SERINC5: variants seen among roughly 807,000 people sequenced by gnomAD.
SERINC5 encodes the protein chromosome 5 open reading frame 12.
Under a neutral mutation model 63.1 loss-of-function variants are expected in SERINC5, and 41 were observed. The ratio of observed to expected loss-of-function variants is 0.65; its 90% CI spans 0.51 to 0.84. The LOEUF is 0.84. Among genes scored for constraint, SERINC5 ranks in the 40% least tolerant of loss-of-function variants. The pLI, the probability that SERINC5 is intolerant of heterozygous loss-of-function variation, is 0.00. For synonymous variants in SERINC5, 222 were observed against 215.2 expected, an observed-to-expected ratio of 1.03 and a Z score of -0.28; for missense variants, 523 against 573.0, an observed-to-expected ratio of 0.91 and a Z score of 0.89.
chr5:80,166,364 C>CACT lies in SERINC5; in HGVS notation c.859+16_859+18dup. On this transcript the variant is annotated intron_variant, in intron 7 of 11. Transcript: ENST00000507668. ...AATATTCACACCGCAAACACAAGCC[C>CACT]ACTAACAGGCTGGCTTACCTACTTC... The CACT allele has an allele frequency of 6.6e-7, 1 of 1,505,660 alleles. No homozygotes were observed. The highest frequency in any genetic ancestry group is 9.1e-7 in the Non-Finnish European group (1 of 1,101,236). The allele number at this position is 1,505,660 out of a possible 1,614,324, so 93.3% of individuals were successfully genotyped here. A position where few individuals can be genotyped will look rare whatever the true frequency, so the allele number is the denominator to read the frequency against.
At position 80,139,536 on chromosome 5, in the gene SERINC5, C is replaced by G; in HGVS notation, c.*4127G>C. Reference sequence around the variant, plus strand: ...GAAAAAAAAAGCTCTTTGGTAAAGGCCAAATATTTCAACCTTTCAAAATGA... The same window carrying G: ...GAAAAAAAAAGCTCTTTGGTAAAGGGCAAATATTTCAACCTTTCAAAATGA... On this transcript the variant is annotated 3_prime_UTR_variant, in exon 12 of 12. Coordinates refer to ENST00000507668, the MANE Select transcript of SERINC5 (RefSeq NM_001174072.3). The G allele has an allele frequency of 2.0e-6, 2 of 984,428 alleles. No individual in the cohort carries two copies. Among genetic ancestry groups the G allele is most frequent in the East Asian group, 2.3e-4 (2 of 8,808 alleles). 61.0% of individuals were successfully genotyped at this position (984,428 alleles called of 1,614,324 possible). A position where few individuals can be genotyped will look rare whatever the true frequency, so the allele number is the denominator to read the frequency against.
At chr5:80,224,140 A>AG (rs897529481) in intron 1 of SERINC5, among the ~76,000 whole-genome samples, 1 of 150,442 alleles carries the variant, frequency 6.6e-6, no homozygotes, top group African/African-American at 2.5e-5. Context: ...TCTCAAAAAA[A>AG]AAAAAAAAAG....
At chr5:80,137,946 G>A (rs1369696830), downstream of SERINC5, among the ~76,000 whole-genome samples, 1 of 151,726 alleles carries the variant, frequency 6.6e-6, no homozygotes, top group Non-Finnish European at 1.5e-5. Context: ...TCAAAAAAAG[G>A]AAAAGTGGTA....
At chr5:80,119,969 T>A (rs534915107) in intron 11 of SERINC5, among the ~76,000 whole-genome samples, 21 of 152,312 alleles carry the variant, frequency 1.4e-4, no homozygotes, top group African/African-American at 5.1e-4. Context: ...GTTTGGAAAC[T>A]AAACAGAAAT....
chr5:80,157,796 T>C (rs765342316), intron 8 of SERINC5: 3 of 152,224 alleles, frequency 2.0e-5, no homozygotes, highest in Non-Finnish European at 2.9e-5. Flanking sequence ...AATGAATGTA[T>C]GTCACCATCA....
chr5:80,203,820 G>A (rs193293158), intron 1 of SERINC5, among the ~76,000 whole-genome samples: 15 of 152,134 alleles, frequency 9.9e-5, no homozygotes, highest in African/African-American at 3.4e-4. Context: ...TGGGTCCCTA[G>A]ATAGCTTCAG....
At chr5:80,144,852 A>G (rs1418793711) in intron 11 of SERINC5, among the ~76,000 whole-genome samples, 2 of 152,226 alleles carry the variant, frequency 1.3e-5, no homozygotes, top group East Asian at 3.8e-4. Flanking sequence ...AATGAATGAT[A>G]AAAGGAAGCA....
At chr5:80,238,447 C>T (rs995203882) in intron 1 of SERINC5, among the ~76,000 whole-genome samples, 3 of 152,022 alleles carry the variant, frequency 2.0e-5, no homozygotes, top group African/African-American at 7.3e-5. Context: ...AGGAAGGGAA[C>T]AAAAAGTTTA....
In SERINC5 at chr5:80,142,545, T is replaced by C; in HGVS notation, c.*1118A>G. 1 of 985,478 alleles carries C rather than the reference T, an allele frequency of 1.0e-6. No homozygotes were observed. The allele number at this position is 985,478 out of a possible 1,614,324, so 61.0% of individuals were successfully genotyped here. On this transcript the variant is annotated 3_prime_UTR_variant, in exon 12 of 12. Coordinates refer to ENST00000507668, the MANE Select transcript of SERINC5 (RefSeq NM_001174072.3). ...CACACATTGCCTAACAAGCTTCTTC[T>C]GGTCAGTGTGTCTGAGATCCTCACC...
chr5:80,147,236 T>C lies in SERINC5; in HGVS notation c.1093+9A>G. 1 of 1,597,406 alleles carries C rather than the reference T, an allele frequency of 6.3e-7. No individual in the cohort carries two copies. Among genetic ancestry groups the C allele is most frequent in the South Asian group, 1.1e-5 (1 of 87,402 alleles). The stretch of plus-strand genomic sequence containing the variant: ...ACACAGGTGCAAAGAATAAAAGCGC[T>C]CTGCTTACCCTCTCCACCAGGACTG... On this transcript the variant is annotated intron_variant, in intron 10 of 11. Coordinates refer to ENST00000507668, the MANE Select transcript of SERINC5 (RefSeq NM_001174072.3).
At chr5:80,187,823 G>C (rs1010081061) in intron 2 of SERINC5, among the ~76,000 whole-genome samples, 13 of 152,178 alleles carry the variant, frequency 8.5e-5, no homozygotes, top group African/African-American at 2.7e-4. Flanking sequence ...GTCACAGATA[G>C]GATTAAGCAG....
At chr5:80,188,013 G>A (rs371376195) in intron 2 of SERINC5, among the ~76,000 whole-genome samples, 67 of 152,106 alleles carry the variant, frequency 4.4e-4, no homozygotes, top group African/African-American at 1.5e-3. Flanking sequence ...GGCTGGGTGC[G>A]GTGGCTCACG....
intron 4 of SERINC5, among the ~76,000 whole-genome samples, 169 bp from the exon 5 acceptor site, chr5:80,175,216 G>A (rs1423709624): frequency 2.6e-5 from 4 of 152,170 alleles, no homozygotes; most frequent in Non-Finnish European, 5.9e-5. Context: ...TTACAGAAGA[G>A]AAAAATTGAG....
intron 1 of SERINC5, among the ~76,000 whole-genome samples, chr5:80,203,683 T>C (rs570296770): frequency 6.6e-6 from 1 of 152,074 alleles, no homozygotes; most frequent in Admixed American, 6.6e-5. Context: ...ATACAAAAAT[T>C]TGGTCTGGTG....
downstream of SERINC5, among the ~76,000 whole-genome samples, chr5:80,136,171 C>T (rs1269216115): frequency 6.6e-6 from 1 of 151,998 alleles, no homozygotes; most frequent in Non-Finnish European, 1.5e-5. Context: ...TAGGCCCAAG[C>T]CCTCGGGAGG....
intron 11 of SERINC5, 45 bp downstream of exon 11, chr5:80,146,039 CTTAACT>C: frequency 1.2e-6 from 2 of 1,600,938 alleles, no homozygotes; most frequent in South Asian, 1.1e-5. Flanking sequence ...GTACTTAACT[CTTAACT>C]TTAAGGCTTT....
chr5:80,173,225 AGAAGGAAG>A (rs58622143), intron 5 of SERINC5, among the ~76,000 whole-genome samples: 24,198 of 137,542 alleles, frequency 0.18, 2,187 homozygotes, highest in Non-Finnish European at 0.2. Context: ...CAGGAAGGAA[AGAAGGAAG>A]GAAGGAAGGA....
At chr5:80,233,805 C>CCTTTTTTTT (rs1554071351) in intron 1 of SERINC5, among the ~76,000 whole-genome samples, 3 of 69,950 alleles carry the variant, frequency 4.3e-5, no homozygotes, top group Admixed American at 1.9e-4. Context: ...TCAACTTTTA[C>CCTTTTTTTT]TTTTTTTTTT....
chr5:80,218,607 G>T (rs1318673926), intron 1 of SERINC5, among the ~76,000 whole-genome samples: 2 of 151,392 alleles, frequency 1.3e-5, no homozygotes, highest in Non-Finnish European at 2.9e-5. Flanking sequence ...CCAGGGAGTC[G>T]GAGGTTGCAG....
Sources: gnomAD v4.1 joint callset for allele counts (sites outside exome capture counted in the v4.1 genomes callset) on GRCh38, gnomAD v4.1.1 for gene constraint, MANE v1.5 for transcripts, NCBI Gene and HGNC (gene_info 2026-07-23, HGNC 2026-07-21) for gene names.